The following EYS variants were observed in gnomAD, a reference collection of about 807,000 sequenced individuals.
The protein encoded by EYS is EGF-like photoreceptor maintenance factor.
EYS carries 250 observed loss-of-function variants against 282.1 expected under a neutral mutation model. That is an observed-to-expected ratio of 0.89 (90% CI 0.80 to 0.98). The LOEUF is 0.98. EYS is among the 50% of genes least tolerant of loss of function. The pLI, the probability that EYS is intolerant of heterozygous loss-of-function variation, is 0.00. For missense variants in EYS, 4,016 were observed against 3,709.0 expected, an observed-to-expected ratio of 1.08 and a Z score of -2.15; for synonymous variants, 1,355 against 1,282.9, an observed-to-expected ratio of 1.06 and a Z score of -1.20.
intron 1 of EYS, among the ~76,000 whole-genome samples, chr6:65,684,086 A>G (rs897859212): frequency 6.6e-6 from 1 of 152,018 alleles, no homozygotes; most frequent in African/African-American, 2.4e-5. Context: ...AAGTCATGAT[A>G]CTTGCCAATC....
chr6:64,410,602 A>C (rs185256489), intron 28 of EYS, among the ~76,000 whole-genome samples: 24 of 152,288 alleles, frequency 1.6e-4, no homozygotes, highest in African/African-American at 5.5e-4. Flanking sequence ...GTCATATTTA[A>C]ATCTAAGAAG....
At chr6:64,880,826 A>C (rs966598234) in intron 19 of EYS, among the ~76,000 whole-genome samples, 3 of 149,032 alleles carry the variant, frequency 2.0e-5, no homozygotes, top group African/African-American at 7.4e-5. Context: ...AAGAGATTTT[A>C]TATATATATA....
intron 12 of EYS, among the ~76,000 whole-genome samples, chr6:65,177,588 C>T (rs886140429): frequency 6.6e-6 from 1 of 151,684 alleles, no homozygotes; most frequent in African/African-American, 2.4e-5. Context: ...AATTCAGTAT[C>T]TGTGTATGTG....
At chr6:64,858,132 T>A (rs528977231) in intron 19 of EYS, among the ~76,000 whole-genome samples, 1 of 152,318 alleles carries the variant, frequency 6.6e-6, no homozygotes, top group South Asian at 2.1e-4. Context: ...TTTGCTTTTG[T>A]TATCTGTGCT....
chr6:64,853,954 CT>C (rs1440958523), intron 19 of EYS, among the ~76,000 whole-genome samples: 1 of 151,928 alleles, frequency 6.6e-6, no homozygotes, highest in African/African-American at 2.4e-5. Flanking sequence ...TGAACAGACA[CT>C]TCTCAAAATA....
intron 29 of EYS, among the ~76,000 whole-genome samples, chr6:64,385,468 GTAAC>G (rs886633918): frequency 1.2e-4 from 19 of 152,240 alleles, no homozygotes; most frequent in Admixed American, 8.5e-4. Context: ...TAATTTCAAG[GTAAC>G]TTTATTGGTC....
At chr6:65,143,209 T>C (rs1271481488) in intron 12 of EYS, among the ~76,000 whole-genome samples, 1 of 151,946 alleles carries the variant, frequency 6.6e-6, no homozygotes, top group Non-Finnish European at 1.5e-5. Flanking sequence ...TTATGACTTA[T>C]TAGGACATAA....
intron 5 of EYS, among the ~76,000 whole-genome samples, chr6:65,419,128 G>T (rs986771622): frequency 1.5e-4 from 22 of 151,430 alleles, no homozygotes; most frequent in African/African-American, 5.1e-4. Context: ...TTTTTTTTCA[G>T]GAGCAGAGCT....
At chr6:64,623,177 C>G (rs1049645192) in intron 23 of EYS, among the ~76,000 whole-genome samples, 2 of 152,064 alleles carry the variant, frequency 1.3e-5, no homozygotes, top group Non-Finnish European at 2.9e-5. Flanking sequence ...TGAGCTCTCA[C>G]CATTTAACAC....
intron 2 of EYS, among the ~76,000 whole-genome samples, chr6:65,536,490 T>A (rs1359423376): frequency 6.6e-6 from 1 of 152,050 alleles, no homozygotes; most frequent in Non-Finnish European, 1.5e-5. Flanking sequence ...ATTACTGGAG[T>A]TATCAAGGGC....
chr6:64,545,839 G>A (rs1026070010), intron 26 of EYS, among the ~76,000 whole-genome samples: 2 of 152,146 alleles, frequency 1.3e-5, no homozygotes, highest in African/African-American at 4.8e-5. Flanking sequence ...TCTTCAAGGA[G>A]AACTATAAAC....
chr6:64,436,249 G>A lies in EYS; in HGVS notation c.5852C>T (p.Pro1951Leu), dbSNP rs1774743470. The change falls in exon 28 of 43, where the codon CCT (proline) becomes CTT (leucine). Residue 1951 changes from proline (P) to leucine (L), a missense_variant. By Grantham distance (98) the Pro-to-Leu change is moderately conservative. Coordinates refer to ENST00000503581, the MANE Select transcript of EYS (RefSeq NM_001142800.2). ...AATGCTTTTAAATTTTGCTTCACCA[G>A]GACAGTAAAAGTGGTACTGTTGGGG... ...NGTLKYHFYC[P>L]GEAKFKSINT... 1 of 1,540,290 alleles carries A rather than the reference G, an allele frequency of 6.5e-7. No individual in the cohort carries two copies. The highest frequency in any genetic ancestry group is 1.4e-5 in the African/African-American group (1 of 72,662).
intron 22 of EYS, among the ~76,000 whole-genome samples, chr6:64,707,472 A>G (rs929631025): frequency 6.6e-6 from 1 of 152,064 alleles, no homozygotes; most frequent in Non-Finnish European, 1.5e-5. Context: ...GATCAAGACC[A>G]TCCTGGCTAA....
chr6:64,828,427 A>G (rs9360085), intron 19 of EYS, among the ~76,000 whole-genome samples: 23,185 of 151,912 alleles, frequency 0.15, 2,017 homozygotes, highest in East Asian at 0.44. Context: ...TGCTGTTTGG[A>G]GCATATATCT....
intron 35 of EYS, among the ~76,000 whole-genome samples, chr6:63,969,670 G>A (rs1169694123): frequency 6.6e-6 from 1 of 152,142 alleles, no homozygotes; most frequent in African/African-American, 2.4e-5. Flanking sequence ...ATTTGCAGTG[G>A]CCAATCCATG....
intron 12 of EYS, among the ~76,000 whole-genome samples, chr6:65,219,954 C>A (rs1282019850): frequency 6.6e-6 from 1 of 152,050 alleles, no homozygotes; most frequent in Non-Finnish European, 1.5e-5. Flanking sequence ...GTCCCTCCCA[C>A]AACACATGGG....
intron 22 of EYS, among the ~76,000 whole-genome samples, chr6:64,659,816 A>C (rs1768924177): frequency 1.3e-5 from 2 of 152,164 alleles, no homozygotes; most frequent in Non-Finnish European, 2.9e-5. Flanking sequence ...TACAAGCAGG[A>C]GCTGGTACCA....
chr6:65,361,229 A>G (rs1249545058), intron 8 of EYS, among the ~76,000 whole-genome samples: 1 of 151,874 alleles, frequency 6.6e-6, no homozygotes, highest in Non-Finnish European at 1.5e-5. Flanking sequence ...GGAGTGGGGG[A>G]GGAAGGATAG....
At chr6:65,546,896 A>C (rs957072597) in intron 2 of EYS, among the ~76,000 whole-genome samples, 1 of 152,086 alleles carries the variant, frequency 6.6e-6, no homozygotes, top group Non-Finnish European at 1.5e-5. Context: ...AATGAAGAAA[A>C]AGTATCTTCA....
Sources: allele counts gnomAD v4.1 joint callset (sites outside exome capture counted in the v4.1 genomes callset), GRCh38; gene constraint gnomAD v4.1.1; transcripts MANE v1.5; gene names NCBI Gene and HGNC (gene_info 2026-07-23, HGNC 2026-07-21).